MGAT4A: variants seen among roughly 807,000 people sequenced by gnomAD.
MGAT4A encodes alpha-1,3-mannosyl-glycoprotein 4-beta-N-acetylglucosaminyltransferase A, also known as N-acetylglucosaminyltransferase IVa.
MGAT4A carries 33 observed loss-of-function variants against 74.1 expected under a neutral mutation model. That is an observed-to-expected ratio of 0.45 (90% CI 0.34 to 0.60). The LOEUF is 0.60. MGAT4A is among the 20% of genes least tolerant of loss of function. The pLI is 0.02. For synonymous variants in MGAT4A, 198 were observed against 210.4 expected (o/e 0.94, Z 0.51); for missense variants, 479 against 628.3 (o/e 0.76, Z 2.54).
At chr2:98,635,953 A>C (rs958325008) in intron 13 of MGAT4A, among the ~76,000 whole-genome samples, 3 of 151,168 alleles carry the variant, frequency 2.0e-5, no homozygotes, top group Non-Finnish European at 4.4e-5. Flanking sequence ...GCACCACTGC[A>C]CTCCAGCCAG....
At chr2:98,668,051 G>A (rs62157993) in intron 4 of MGAT4A, among the ~76,000 whole-genome samples, 6,918 of 152,228 alleles carry the variant, frequency 0.045, 216 homozygotes, top group Non-Finnish European at 0.069. Context: ...GAGCATGAAA[G>A]TTTGGAAAAT....
intron 2 of MGAT4A, among the ~76,000 whole-genome samples, chr2:98,710,428 A>G (rs1702500174): frequency 6.6e-6 from 1 of 152,188 alleles, no homozygotes; most frequent in African/African-American, 2.4e-5. Flanking sequence ...ATTTAAAGAC[A>G]AGGAATATGA....
At chr2:98,650,479 C>T (rs975834698) in intron 8 of MGAT4A, among the ~76,000 whole-genome samples, 1 of 152,008 alleles carries the variant, frequency 6.6e-6, no homozygotes, top group African/African-American at 2.4e-5. Context: ...ATCCTGAAAG[C>T]CATAAGAGGA....
At chr2:98,670,856 T>C (rs1701901734) in intron 4 of MGAT4A, among the ~76,000 whole-genome samples, 1 of 152,200 alleles carries the variant, frequency 6.6e-6, no homozygotes, top group Non-Finnish European at 1.5e-5. Context: ...TCTCAAACAA[T>C]GACTCATAAA....
At chr2:98,651,536 C>T (rs1355495014) in intron 8 of MGAT4A, among the ~76,000 whole-genome samples, 1 of 151,826 alleles carries the variant, frequency 6.6e-6, no homozygotes, top group Non-Finnish European at 1.5e-5. Flanking sequence ...GCAATGGTAA[C>T]TACAAAATGA....
rs1040207804 is a variant in MGAT4A, at chr2:98,652,492, C to T, written c.774+2953G>A. 3.9e-5 allele frequency among the ~76,000 whole-genome samples: 6 copies of T among 152,004 alleles called. No homozygotes were observed. In the East Asian group the frequency reaches 7.7e-4, roughly 20 times the overall value. On this transcript the variant is annotated intron_variant, in intron 8 of 15. Coordinates refer to ENST00000393487, the MANE Select transcript of MGAT4A (RefSeq NM_012214.3). ...ACTACTAGGCGCCCGCCACCACGCC[C>T]GGCTAATTTTTTGTATTTTTAGTAG...
At chr2:98,727,295 T>C (rs979063957) in intron 1 of MGAT4A, among the ~76,000 whole-genome samples, 7 of 152,202 alleles carry the variant, frequency 4.6e-5, no homozygotes, top group Admixed American at 1.3e-4. Flanking sequence ...TCACTCTGCA[T>C]TGCTTTAAAT....
intron 6 of MGAT4A, among the ~76,000 whole-genome samples, chr2:98,656,669 T>C (rs1334054491): frequency 6.6e-6 from 1 of 152,164 alleles, no homozygotes; most frequent in Admixed American, 6.5e-5. Flanking sequence ...AAAAGTTTTT[T>C]TTTAAAGTAA....
Position 98,621,352 on chromosome 2 carries a change from C to T in MGAT4A, c.*4214G>A. 1.3e-6 allele frequency: 2 copies of T among 1,521,022 alleles called. No individual in the cohort carries two copies. The highest frequency in any genetic ancestry group is 1.8e-6 in the Non-Finnish European group (2 of 1,131,120). 94.2% of individuals were successfully genotyped at this position (1,521,022 alleles called of 1,614,324 possible). On this transcript the variant is annotated 3_prime_UTR_variant, in exon 16 of 16. Coordinates refer to ENST00000393487, the MANE Select transcript of MGAT4A (RefSeq NM_012214.3). ...CCCGTGGCTGTAGGACTGCAGTTCCCAGCTCCTTTGCTGTTAGCCAAGGCC... is the reference window on the plus strand; with the variant it reads ...CCCGTGGCTGTAGGACTGCAGTTCCTAGCTCCTTTGCTGTTAGCCAAGGCC...
Position 98,633,449 on chromosome 2 carries a change from G to A in MGAT4A, c.1468+1773C>T, listed in dbSNP as rs550960857. On this transcript the variant is annotated intron_variant, in intron 14 of 15. Coordinates refer to ENST00000393487, the MANE Select transcript of MGAT4A (RefSeq NM_012214.3). ...TTGCTCCATTTGCTGCTAGCCCTTA[G>A]GACAATCTTCACAGATTTAAAATAG... Among the ~76,000 whole-genome samples the A allele has an allele frequency of 4.6e-5, 7 of 152,188 alleles. No individual in the cohort carries two copies. The South Asian group carries it at 1.5e-3, about 32-fold the overall frequency.
intron 2 of MGAT4A, among the ~76,000 whole-genome samples, chr2:98,687,193 G>A (rs888596964): frequency 3.3e-5 from 5 of 152,070 alleles, no homozygotes; most frequent in Non-Finnish European, 5.9e-5. Flanking sequence ...GCTATAATGC[G>A]CTGTATTTTC....
intron 2 of MGAT4A, among the ~76,000 whole-genome samples, chr2:98,681,701 A>G (rs1488558185): frequency 6.6e-6 from 1 of 152,088 alleles, no homozygotes; most frequent in Non-Finnish European, 1.5e-5. Flanking sequence ...CACCCTTATA[A>G]TCCCAGCACT....
chr2:98,722,177 G>GT (rs1442710492), intron 2 of MGAT4A, among the ~76,000 whole-genome samples: 1 of 152,136 alleles, frequency 6.6e-6, no homozygotes, highest in African/African-American at 2.4e-5. Context: ...AAAAACACAT[G>GT]TCCACACAGA....
chr2:98,640,237 TA>T lies in MGAT4A; in HGVS notation c.1021-10del, dbSNP rs762544641. 1.6e-5 allele frequency: 25 copies of T among 1,597,222 alleles called. No homozygotes were observed. The highest frequency in any genetic ancestry group is 1.7e-5 in the Admixed American group (1 of 57,230). On this transcript the variant is annotated splice_polypyrimidine_tract_variant and intron_variant, in intron 10 of 15. Transcript: ENST00000393487. ...TGTCTATCACAATGTTTCTAAATAT[TA>T]AAAAAAATCACGTTAGTGTTGCATC...
intron 2 of MGAT4A, among the ~76,000 whole-genome samples, chr2:98,712,856 A>G (rs1702536534): frequency 1.3e-5 from 2 of 152,234 alleles, no homozygotes; most frequent in African/African-American, 4.8e-5. Context: ...CACAGAACAG[A>G]GCTTCTTAAA....
intron 2 of MGAT4A, among the ~76,000 whole-genome samples, chr2:98,712,516 T>C (rs1380858719): frequency 6.6e-6 from 1 of 152,224 alleles, no homozygotes; most frequent in Non-Finnish European, 1.5e-5. Flanking sequence ...ACTTCTGGAG[T>C]TTGTTACACA....
At position 98,630,526 on chromosome 2, in the gene MGAT4A, G is replaced by T. The variant is rs978561626; in HGVS notation, c.1469-4691C>A. Among the ~76,000 whole-genome samples the T allele has an allele frequency of 2.0e-5, 3 of 152,260 alleles. No individual in the cohort carries two copies. In the East Asian group the frequency reaches 5.8e-4, roughly 29 times the overall value. On this transcript the variant is annotated intron_variant, in intron 14 of 15. Coordinates refer to ENST00000393487, the MANE Select transcript of MGAT4A (RefSeq NM_012214.3). ...GAAGAGAAGCTATTAGGGACGGACA[G>T]CTGAATTGGCACATCTTAAGCTGGA...
intron 14 of MGAT4A, among the ~76,000 whole-genome samples, chr2:98,628,506 T>C (rs1701179028): frequency 6.6e-6 from 1 of 152,244 alleles, no homozygotes; most frequent in South Asian, 2.1e-4. Context: ...AATACCACTT[T>C]GGGAACAGCC....
rs1701396404 is a variant in MGAT4A at position 98,640,843 on chromosome 2, ATAAAC to A, written c.1021-620_1021-616del. ...GATTTGACTTTTAATATTAAAATGA[ATAAAC>A]TATAGACTAGGGGGTTAGTTCAAAT... On this transcript the variant is annotated intron_variant, in intron 10 of 15. Coordinates refer to ENST00000393487, the MANE Select transcript of MGAT4A (RefSeq NM_012214.3). Among the ~76,000 whole-genome samples the A allele has an allele frequency of 2.0e-5, 3 of 152,236 alleles. No individual in the cohort carries two copies. In the East Asian group the frequency reaches 5.8e-4, roughly 29 times the overall value.
Sources: gnomAD v4.1 joint callset for allele counts (sites outside exome capture counted in the v4.1 genomes callset) on GRCh38, gnomAD v4.1.1 for gene constraint, MANE v1.5 for transcripts, NCBI Gene and HGNC (gene_info 2026-07-23, HGNC 2026-07-21) for gene names.